Variants in DLGAP2 observed in about 807,000 individuals in gnomAD.
DLGAP2 encodes disks large-associated protein 2.
Under a neutral mutation model 100.3 loss-of-function variants are expected in DLGAP2, and 26 were observed. The observed-to-expected ratio is 0.26, with a 90% CI of 0.19 to 0.36. DLGAP2 has a LOEUF of 0.36. DLGAP2 is among the 10% of genes least tolerant of loss of function. DLGAP2 has a pLI of 1.00. For synonymous variants in DLGAP2, 886 were observed against 630.1 expected (o/e 1.41, Z -6.08); for missense variants, 1,858 against 1,453.2 (o/e 1.28, Z -4.53).
chr8:1,662,951 C>A (rs1233554421), intron 8 of DLGAP2, among the ~76,000 whole-genome samples: 1 of 131,672 alleles, frequency 7.6e-6, no homozygotes, highest in Non-Finnish European at 1.6e-5. Flanking sequence ...TGTGTGTGTA[C>A]ACATGTGTGA....
intron 2 of DLGAP2, among the ~76,000 whole-genome samples, chr8:1,232,553 G>A (rs1474017788): frequency 2.6e-5 from 4 of 152,220 alleles, no homozygotes; most frequent in Non-Finnish European, 5.9e-5. Flanking sequence ...ATGTGGTGAT[G>A]GGGGCTGTGG....
chr8:1,102,312 C>T (rs1804611570), intron 2 of DLGAP2, among the ~76,000 whole-genome samples: 1 of 146,394 alleles, frequency 6.8e-6, no homozygotes, highest in South Asian at 2.1e-4. Flanking sequence ...TATATAATTA[C>T]ATAATAATAT....
chr8:1,275,099 C>T (rs1382837270), intron 3 of DLGAP2, among the ~76,000 whole-genome samples: 2 of 152,152 alleles, frequency 1.3e-5, no homozygotes, highest in African/African-American at 2.4e-5. Context: ...TGAGGACCTG[C>T]AATTTAATTT....
chr8:1,447,839 A>T (rs1047898981), intron 3 of DLGAP2, among the ~76,000 whole-genome samples: 1 of 152,170 alleles, frequency 6.6e-6, no homozygotes, highest in Admixed American at 6.5e-5. Context: ...TGAGGAATTT[A>T]TCCATTTCTT....
At chr8:967,819 TATATATATATATATATATATATATATA>T (rs1419151970) in intron 2 of DLGAP2, among the ~76,000 whole-genome samples, 2,679 of 26,808 alleles carry the variant, frequency 0.1, 326 homozygotes, top group Middle Eastern at 0.45. Context: ...AACACCACTA[TATATATATATATATATATATATATATA>T]TATATATATA....
chr8:1,532,227 C>G (rs1489478027), intron 4 of DLGAP2, among the ~76,000 whole-genome samples: 1 of 152,146 alleles, frequency 6.6e-6, no homozygotes, highest in African/African-American at 2.4e-5. Flanking sequence ...AAAGGTTTTC[C>G]TCTCACATAA....
intron 3 of DLGAP2, among the ~76,000 whole-genome samples, chr8:1,380,783 A>G (rs887996287): frequency 1.3e-5 from 2 of 152,080 alleles, no homozygotes; most frequent in Non-Finnish European, 2.9e-5. Flanking sequence ...TATTTCGAAA[A>G]AAGTGACATT....
At chr8:1,174,710 C>A (rs551850601) in intron 2 of DLGAP2, among the ~76,000 whole-genome samples, 3 of 151,868 alleles carry the variant, frequency 2.0e-5, no homozygotes, top group African/African-American at 7.3e-5. Context: ...ACCACTATCA[C>A]CATCACCACC....
intron 3 of DLGAP2, among the ~76,000 whole-genome samples, chr8:1,481,895 C>G (rs1799109236): frequency 6.6e-6 from 1 of 152,230 alleles, no homozygotes; most frequent in Non-Finnish European, 1.5e-5. Flanking sequence ...GATCATGTCT[C>G]AGGCTCAAGC....
chr8:1,105,812 G>T (rs1394441318), intron 2 of DLGAP2, among the ~76,000 whole-genome samples: 1 of 148,818 alleles, frequency 6.7e-6, no homozygotes, highest in East Asian at 2.0e-4. Flanking sequence ...TTCTAGGAGG[G>T]TTTTCTACTG....
chr8:831,997 G>A (rs943097071), intron 1 of DLGAP2, among the ~76,000 whole-genome samples: 5 of 152,150 alleles, frequency 3.3e-5, no homozygotes, highest in Non-Finnish European at 7.4e-5. Flanking sequence ...TTTGTTGATT[G>A]CATAAATGTC....
Position 1,483,054 on chromosome 8 carries a change from C to G in DLGAP2, c.107-18312C>G, listed in dbSNP as rs546056653. ...GGAGCTGGCTTGAGTGAGCCTCCGG[C>G]GCGCGCGGCCGGAGAGGCGCAAGGG... On this transcript the variant is annotated intron_variant, in intron 3 of 14. Coordinates refer to ENST00000637795, the MANE Select transcript of DLGAP2 (RefSeq NM_001346810.2). Among the ~76,000 whole-genome samples the G allele has an allele frequency of 2.6e-5, 4 of 152,244 alleles. No individual in the cohort carries two copies. In the South Asian group the frequency reaches 8.3e-4, roughly 32 times the overall value.
chr8:971,715 A>G (rs1800019409), intron 2 of DLGAP2, among the ~76,000 whole-genome samples: 2 of 152,226 alleles, frequency 1.3e-5, no homozygotes, highest in African/African-American at 2.4e-5. Flanking sequence ...GAGTACTCTC[A>G]GAGGATTGTA....
At chr8:1,497,685 C>G (rs1461567219) in intron 3 of DLGAP2, among the ~76,000 whole-genome samples, 2 of 152,190 alleles carry the variant, frequency 1.3e-5, no homozygotes, top group Admixed American at 6.5e-5. Flanking sequence ...ATGGCCTGTC[C>G]AGGCGAACAG....
chr8:1,254,980 T>TGCTGTGTGTGTGTCCTCTCCTGCCCGGGC (rs1563043232), intron 2 of DLGAP2, among the ~76,000 whole-genome samples: 13 of 103,688 alleles, frequency 1.3e-4, no homozygotes, highest in South Asian at 6.4e-4. Flanking sequence ...CCTGTCCGGG[T>TGCTGTGTGTGTGTCCTCTCCTGCCCGGGC]GCTGTGTGTG....
chr8:1,150,127 A>G (rs572960110), intron 2 of DLGAP2, among the ~76,000 whole-genome samples: 33 of 152,310 alleles, frequency 2.2e-4, no homozygotes, highest in African/African-American at 7.9e-4. Flanking sequence ...TTCCTCCCTG[A>G]AGAGCTCCCC....
intron 1 of DLGAP2, among the ~76,000 whole-genome samples, chr8:761,373 C>A (rs563292421): frequency 9.9e-5 from 15 of 152,198 alleles, no homozygotes; most frequent in Non-Finnish European, 2.1e-4. Flanking sequence ...CACCTCGAAT[C>A]GGGAGCAGAC....
At chr8:750,925 G>A (rs183465377) in intron 1 of DLGAP2, among the ~76,000 whole-genome samples, 23 of 152,358 alleles carry the variant, frequency 1.5e-4, no homozygotes, top group Admixed American at 1.3e-3. Flanking sequence ...ACTGGGCCCC[G>A]GCTCGTTTTG....
chr8:1,453,357 G>C lies in DLGAP2; in HGVS notation c.107-48009G>C, dbSNP rs11136392. The stretch of plus-strand genomic sequence containing the variant: ...TCCTTCATCATATTTATCTTCTTGA[G>C]TACTTTCACAAGTGTCTGAGAAAGA... On this transcript the variant is annotated intron_variant, in intron 3 of 14. Coordinates refer to ENST00000637795, the MANE Select transcript of DLGAP2 (RefSeq NM_001346810.2). Among the ~76,000 whole-genome samples the C allele has an allele frequency of 2.0e-5, 3 of 152,028 alleles. No individual in the cohort carries two copies. In the East Asian group the frequency reaches 5.8e-4, roughly 29 times the overall value.
Sources: allele counts gnomAD v4.1 joint callset (sites outside exome capture counted in the v4.1 genomes callset), GRCh38; gene constraint gnomAD v4.1.1; transcripts MANE v1.5; gene names NCBI Gene and HGNC (gene_info 2026-07-23, HGNC 2026-07-21).